The following DACH2 variants were observed in gnomAD, a reference collection of about 807,000 sequenced individuals.
DACH2 encodes dachshund family transcription factor 2, also known as dachshund homolog 2.
In DACH2, 17 loss-of-function variants were observed where a neutral mutation model predicts 35.8. That is an observed-to-expected ratio of 0.48 (90% confidence interval 0.33 to 0.71). DACH2 has a LOEUF of 0.71. Among genes scored for constraint, DACH2 ranks in the 30% least tolerant of loss-of-function variants. DACH2 has a pLI of 0.02. For synonymous variants in DACH2, 195 were observed against 177.3 expected (o/e 1.10, Z -0.79); for missense variants, 469 against 472.7 (o/e 0.99, Z 0.07).
chrX:86,190,671 G>A (rs186868813), intron 1 of DACH2, among the ~76,000 whole-genome samples: 4,073 of 111,982 alleles, frequency 0.036, 182 homozygotes, highest in African/African-American at 0.12. Flanking sequence ...AAGGCCAGGC[G>A]CGGTGGCTCA....
intron 4 of DACH2, among the ~76,000 whole-genome samples, chrX:86,681,199 A>G (rs947994639): frequency 3.6e-5 from 4 of 111,912 alleles, no homozygotes; most frequent in Non-Finnish European, 7.5e-5. Flanking sequence ...GTTTTGGTCA[A>G]GAAAAGCAGA....
chrX:86,438,916 C>T (rs1280680218), intron 2 of DACH2, among the ~76,000 whole-genome samples: 1 of 112,035 alleles, frequency 8.9e-6, no homozygotes, highest in African/African-American at 3.2e-5. Context: ...GATGGTGTCT[C>T]ATTGTGGTTT....
chrX:86,716,855 G>A (rs938300891), intron 6 of DACH2, among the ~76,000 whole-genome samples: 3 of 111,073 alleles, frequency 2.7e-5, no homozygotes, highest in African/African-American at 9.8e-5. Context: ...TTTTGTTTAG[G>A]GCTTATTAGT....
At chrX:86,253,697 G>T (rs1017745615) in intron 1 of DACH2, among the ~76,000 whole-genome samples, 1 of 111,229 alleles carries the variant, frequency 9.0e-6, no homozygotes, top group Non-Finnish European at 1.9e-5. Context: ...AATTATTTTT[G>T]CCTTACCCTG....
chrX:86,410,009 G>A (rs750504327), intron 2 of DACH2, among the ~76,000 whole-genome samples: 15 of 112,073 alleles, frequency 1.3e-4, no homozygotes, highest in Admixed American at 1.3e-3. Context: ...GATGGGATGT[G>A]TTGGAGAGGT....
chrX:86,268,654 T>C (rs1030373447), intron 1 of DACH2, among the ~76,000 whole-genome samples: 1 of 108,916 alleles, frequency 9.2e-6, no homozygotes, highest in Non-Finnish European at 1.9e-5. Flanking sequence ...CGTGCCTCAC[T>C]CTCCCGAGTA....
intron 4 of DACH2, among the ~76,000 whole-genome samples, chrX:86,664,684 T>C (rs1198282648): frequency 1.8e-5 from 2 of 111,924 alleles, no homozygotes; most frequent in Non-Finnish European, 3.8e-5. Flanking sequence ...GAAAAGCCCA[T>C]GCATTATTTA....
At chrX:86,702,423 G>C (rs2041155009) in intron 5 of DACH2, among the ~76,000 whole-genome samples, 2 of 110,348 alleles carry the variant, frequency 1.8e-5, no homozygotes, top group South Asian at 7.7e-4. Context: ...GAAATAACAA[G>C]GATTAGAGCA....
At chrX:86,319,119 T>A (rs1169734956) in intron 1 of DACH2, among the ~76,000 whole-genome samples, 1 of 112,030 alleles carries the variant, frequency 8.9e-6, no homozygotes, top group East Asian at 2.8e-4. Context: ...AAGAGCAGAT[T>A]AGCATTTTAA....
At chrX:86,366,946 C>A (rs1423214431) in intron 1 of DACH2, among the ~76,000 whole-genome samples, 1 of 110,760 alleles carries the variant, frequency 9.0e-6, no homozygotes, top group African/African-American at 3.3e-5. Flanking sequence ...AAACCTCTTT[C>A]TTTTATAAAT....
rs1443904631 is a variant in DACH2 at position 86,356,225 on chromosome X, G to A, written c.489-20599G>A. Among the ~76,000 whole-genome samples the A allele has an allele frequency of 2.7e-5, 3 of 111,106 alleles. No individual in the cohort carries two copies. The South Asian group carries it at 1.1e-3, about 42-fold the overall frequency. The stretch of plus-strand genomic sequence containing the variant: ...ATTTTTGTATATGGTGAAAGAAAGG[G>A]GTCCAATTTCAATCTTCTGCATATG... On this transcript the variant is annotated intron_variant, in intron 1 of 11. Transcript: ENST00000373125.
intron 3 of DACH2, among the ~76,000 whole-genome samples, chrX:86,609,834 G>A (rs2039906571): frequency 9.0e-6 from 1 of 111,108 alleles, no homozygotes; most frequent in African/African-American, 3.3e-5. Context: ...TGTCTGTTCT[G>A]AGCCACCTAT....
chrX:86,594,133 A>G (rs1163127422), intron 3 of DACH2, among the ~76,000 whole-genome samples: 1 of 111,802 alleles, frequency 8.9e-6, no homozygotes, highest in African/African-American at 3.2e-5. Context: ...TTGTGGGCCC[A>G]CAGTTGTTTA....
At chrX:86,467,384 T>G (rs2037689302) in intron 2 of DACH2, among the ~76,000 whole-genome samples, 1 of 111,912 alleles carries the variant, frequency 8.9e-6, no homozygotes, top group Non-Finnish European at 1.9e-5. Context: ...CTATCTGAGA[T>G]CAACTCAGCC....
chrX:86,795,394 C>T (rs1183909567), intron 7 of DACH2, among the ~76,000 whole-genome samples: 4 of 109,925 alleles, frequency 3.6e-5, no homozygotes, highest in South Asian at 4.0e-4. Context: ...CCACCACGCC[C>T]GGCCGATTTT....
At chrX:86,798,373 A>G (rs2042259362) in intron 7 of DACH2, among the ~76,000 whole-genome samples, 1 of 112,530 alleles carries the variant, frequency 8.9e-6, no homozygotes, top group African/African-American at 3.2e-5. Context: ...GGCTCCATCC[A>G]GACTGTTAAA....
At chrX:86,605,016 A>G (rs2039838829) in intron 3 of DACH2, among the ~76,000 whole-genome samples, 1 of 111,299 alleles carries the variant, frequency 9.0e-6, no homozygotes, top group Non-Finnish European at 1.9e-5. Context: ...AACCTGACTG[A>G]CCTTATAAAT....
chrX:86,563,561 T>C (rs2039254164), intron 3 of DACH2, among the ~76,000 whole-genome samples: 1 of 111,103 alleles, frequency 9.0e-6, no homozygotes, highest in Non-Finnish European at 1.9e-5. Context: ...AATGCAAATA[T>C]GATACAATGC....
chrX:86,819,792 C>A (rs1275823269), intron 11 of DACH2, among the ~76,000 whole-genome samples: 2 of 111,306 alleles, frequency 1.8e-5, no homozygotes, highest in Non-Finnish European at 3.8e-5. Context: ...CACATTACTG[C>A]AACAGCTCCT....
Sources: allele counts gnomAD v4.1 joint callset (sites outside exome capture counted in the v4.1 genomes callset), GRCh38; gene constraint gnomAD v4.1.1; transcripts MANE v1.5; gene names NCBI Gene and HGNC (gene_info 2026-07-23, HGNC 2026-07-21).